Variants in PTCD3 observed in about 807,000 individuals in gnomAD.
PTCD3 encodes the protein small ribosomal subunit protein mS39.
PTCD3 carries 89 observed loss-of-function variants against 101.9 expected under a neutral mutation model. The observed-to-expected ratio is 0.87, with a 90% CI of 0.74 to 1.04. The LOEUF (loss-of-function observed/expected upper bound fraction) is 1.04, where lower values mean the gene tolerates loss of function less well. Ranked by LOEUF, PTCD3 falls within the 50% of genes least tolerant of loss-of-function variation. PTCD3 has a pLI of 0.00. For missense variants in PTCD3, 870 were observed against 828.2 expected (o/e 1.05, Z -0.62); for synonymous variants, 296 against 278.5 (o/e 1.06, Z -0.63).
At position 86,111,166 on chromosome 2, in the gene PTCD3, G is replaced by A. The variant is rs1272611683; in HGVS notation, c.240+8G>A. ...GCATCCACAGTAAACAGGGTAAGTA[G>A]GATTTTGTGTTTTTTTTTAACCTAA... On this transcript the variant is annotated splice_region_variant and intron_variant, in intron 4 of 23. Transcript: ENST00000254630. 1 of 1,610,858 alleles carries A rather than the reference G, an allele frequency of 6.2e-7. No homozygotes were observed. The highest frequency in any genetic ancestry group is 1.3e-5 in the African/African-American group (1 of 74,782).
At chr2:86,120,144 C>T (rs1330696847) in intron 7 of PTCD3, among the ~76,000 whole-genome samples, 3 of 152,086 alleles carry the variant, frequency 2.0e-5, no homozygotes, top group Admixed American at 1.3e-4. Flanking sequence ...TTTAGTGAGG[C>T]GCTTCCCTCT....
chr2:86,131,227 C>A lies in PTCD3; in HGVS notation c.1266+121C>A, dbSNP rs940766755. The stretch of plus-strand genomic sequence containing the variant: ...GTTCATGTCTTTGCTTCTGTTTTTT[C>A]TTCTTTCTCTAAAATCTATAATTTT... On this transcript the variant is annotated intron_variant, in intron 16 of 23. Transcript: ENST00000254630. 3.0e-5 allele frequency: 23 copies of A among 755,122 alleles called. No individual in the cohort carries two copies. The African/African-American group carries it at 3.8e-4, about 12-fold the overall frequency. 46.8% of individuals were successfully genotyped at this position (755,122 alleles called of 1,614,324 possible).
At chr2:86,114,919 C>G (rs1053726223) in intron 4 of PTCD3, among the ~76,000 whole-genome samples, 1 of 152,234 alleles carries the variant, frequency 6.6e-6, no homozygotes, top group Non-Finnish European at 1.5e-5. Flanking sequence ...ATTCCTCCAT[C>G]AGTGACTTGT....
At chr2:86,112,222 A>AT (rs979210005) in intron 4 of PTCD3, 3 of 149,398 alleles carry the variant, frequency 2.0e-5, no homozygotes, top group Admixed American at 1.3e-4. Context: ...ACGCCTGGCT[A>AT]TTTTTTTGTA....
chr2:86,120,250 G>T (rs1041383743), intron 7 of PTCD3, among the ~76,000 whole-genome samples: 3 of 152,084 alleles, frequency 2.0e-5, no homozygotes, highest in Admixed American at 1.3e-4. Flanking sequence ...TATTGGATAG[G>T]TGTGTGCAGT....
intron 14 of PTCD3, among the ~76,000 whole-genome samples, chr2:86,130,029 C>A (rs1674467697): frequency 6.6e-6 from 1 of 152,306 alleles, no homozygotes; most frequent in African/African-American, 2.4e-5. Flanking sequence ...TAGCCGGGTG[C>A]AGTGGCTCAT....
At chr2:86,117,260 A>G (rs151212947) in intron 6 of PTCD3, 101 bp downstream of exon 6, 16 of 562,626 alleles carry the variant, frequency 2.8e-5, no homozygotes, top group African/African-American at 2.6e-4. Context: ...AATACCCTCA[A>G]TATTTGGATG....
In PTCD3 at chr2:86,137,606, A is replaced by G. The variant is rs1674612473; in HGVS notation, c.*47A>G. On this transcript the variant is annotated 3_prime_UTR_variant, in exon 24 of 24. Coordinates refer to ENST00000254630, the MANE Select transcript of PTCD3 (RefSeq NM_017952.6). ...AATGGGTCTCACCATAGCTGCTGGA[A>G]TCACACCTGAGAACTGAGATATACC... The G allele has an allele frequency of 6.2e-7, 1 of 1,611,062 alleles. No individual in the cohort carries two copies. Among genetic ancestry groups the G allele is most frequent in the Non-Finnish European group, 8.5e-7 (1 of 1,178,840 alleles).
chr2:86,132,483 C>A, intron 17 of PTCD3, 59 bp downstream of exon 17: 1 of 1,202,466 alleles, frequency 8.3e-7, no homozygotes, highest in South Asian at 1.3e-5. Flanking sequence ...AAGTGGGAGG[C>A]TGTTGATGTC....
intron 19 of PTCD3, 23 bp downstream of exon 19, chr2:86,133,459 C>T: frequency 6.4e-7 from 1 of 1,557,686 alleles, no homozygotes; most frequent in Non-Finnish European, 8.9e-7. Context: ...TTTTATGTGT[C>T]CAGGTGCATC....
At chr2:86,116,637 C>G in intron 5 of PTCD3, 39 bp downstream of exon 5, 1 of 1,465,258 alleles carries the variant, frequency 6.8e-7, no homozygotes, top group Non-Finnish European at 9.6e-7. Flanking sequence ...TTTTATCTCT[C>G]TGGTTTGCGT....
intron 14 of PTCD3, among the ~76,000 whole-genome samples, chr2:86,129,385 T>TA (rs1476526078): frequency 3.9e-5 from 6 of 152,228 alleles, no homozygotes; most frequent in African/African-American, 9.6e-5. Flanking sequence ...AGTTTTGGCT[T>TA]ACGCCTGTAA....
Position 86,130,568 on chromosome 2 carries a change from G to A in PTCD3, c.1148-80G>A, listed in dbSNP as rs886282019. 7 of 1,528,732 alleles carry A rather than the reference G, an allele frequency of 4.6e-6. No individual in the cohort carries two copies. In the African/African-American group the frequency reaches 8.3e-5, roughly 18 times the overall value. 94.7% of individuals were successfully genotyped at this position (1,528,732 alleles called of 1,614,324 possible). A position where few individuals can be genotyped will look rare whatever the true frequency, so the allele number is the denominator to read the frequency against. On this transcript the variant is annotated intron_variant, in intron 14 of 23. Transcript: ENST00000254630. ...GGCTGGAGGTGGAGGAAGGAGAAAT[G>A]TGTCCCTTTGTATTAGGTACAGTGA...
chr2:86,134,029 AAAC>A (rs1441966744), intron 19 of PTCD3, among the ~76,000 whole-genome samples: 8 of 152,220 alleles, frequency 5.3e-5, no homozygotes, highest in African/African-American at 1.2e-4. Flanking sequence ...AAGTGCTATA[AAAC>A]AACGTCTTAA....
At chr2:86,133,017 A>G (rs1289274676) in intron 17 of PTCD3, 161 bp from the exon 18 acceptor site, 1 of 1,166,020 alleles carries the variant, frequency 8.6e-7, no homozygotes, top group Non-Finnish European at 1.2e-6. Context: ...AAGTCAGCAC[A>G]CACTGGCAGC....
intron 14 of PTCD3, 29 bp from the exon 15 acceptor site, chr2:86,130,619 T>C (rs768727480): frequency 5.0e-6 from 8 of 1,601,656 alleles, no homozygotes; most frequent in Non-Finnish European, 6.8e-6. Context: ...AGGAAGTGGA[T>C]TAAACACATT....
chr2:86,109,873 A>T (rs953391370), intron 3 of PTCD3, among the ~76,000 whole-genome samples: 1 of 152,236 alleles, frequency 6.6e-6, no homozygotes, highest in Non-Finnish European at 1.5e-5. Flanking sequence ...AGTGCAGCCA[A>T]ACTTATGTAG....
At chr2:86,115,760 T>A (rs1674165608) in intron 4 of PTCD3, among the ~76,000 whole-genome samples, 1 of 152,188 alleles carries the variant, frequency 6.6e-6, no homozygotes, top group Non-Finnish European at 1.5e-5. Flanking sequence ...ATTGGAGAGT[T>A]GATTATGCTC....
chr2:86,133,473 C>T, intron 19 of PTCD3, 37 bp downstream of exon 19: 1 of 1,508,356 alleles, frequency 6.6e-7, no homozygotes, highest in Non-Finnish European at 9.2e-7. Context: ...GTGCATCTCA[C>T]CTCAATATCC....
Sources: gnomAD v4.1 joint callset for allele counts (sites outside exome capture counted in the v4.1 genomes callset) on GRCh38, gnomAD v4.1.1 for gene constraint, MANE v1.5 for transcripts, NCBI Gene and HGNC (gene_info 2026-07-23, HGNC 2026-07-21) for gene names.